Variants in SLC24A2 observed in about 807,000 individuals in gnomAD.
SLC24A2 encodes the protein solute carrier family 24 member 2.
In SLC24A2, 36 loss-of-function variants were observed where a neutral mutation model predicts 62.0. The ratio of observed to expected loss-of-function variants is 0.58; its 90% confidence interval spans 0.44 to 0.77. The LOEUF (loss-of-function observed/expected upper bound fraction) is 0.77. SLC24A2 is among the 30% of genes least tolerant of loss of function. The pLI is 0.00. For missense variants in SLC24A2, 846 were observed against 817.9 expected (o/e 1.03, Z -0.42); for synonymous variants, 358 against 294.0 (o/e 1.22, Z -2.23).
At chr9:19,901,347 TA>T in the SLC24A2 span, among the ~76,000 whole-genome samples, 6 of 152,226 alleles carry the variant, frequency 3.9e-5, no homozygotes, top group African/African-American at 1.4e-4. Context: ...TACTGTTAAC[TA>T]AAAAAATCAT....
the SLC24A2 span, among the ~76,000 whole-genome samples, chr9:19,795,624 T>C: frequency 2.6e-5 from 4 of 152,118 alleles, no homozygotes; most frequent in Non-Finnish European, 5.9e-5. Context: ...GAGGTCACTT[T>C]CCTGTCTCTT....
At chr9:19,810,771 T>C in the SLC24A2 span, among the ~76,000 whole-genome samples, 1 of 152,144 alleles carries the variant, frequency 6.6e-6, no homozygotes. Context: ...TTAAAAACTA[T>C]GTAATAACCA....
At chr9:19,642,517 T>G (rs1818526846) in intron 2 of SLC24A2, among the ~76,000 whole-genome samples, 1 of 152,092 alleles carries the variant, frequency 6.6e-6, no homozygotes, top group South Asian at 2.1e-4. Flanking sequence ...GCGTATACTG[T>G]ACACTCCTCT....
the SLC24A2 span, among the ~76,000 whole-genome samples, chr9:19,906,075 A>C: frequency 6.6e-6 from 1 of 152,240 alleles, no homozygotes; most frequent in African/African-American, 2.4e-5. Flanking sequence ...ACATACTTGG[A>C]AGTAAAGCAC....
the SLC24A2 span, among the ~76,000 whole-genome samples, chr9:20,063,617 A>G: frequency 6.6e-6 from 1 of 152,160 alleles, no homozygotes; most frequent in Non-Finnish European, 1.5e-5. Context: ...CATTGTGCAC[A>G]TGTACCCTAA....
At chr9:19,534,548 C>G (rs1833865178) in intron 8 of SLC24A2, among the ~76,000 whole-genome samples, 1 of 151,948 alleles carries the variant, frequency 6.6e-6, no homozygotes, top group Non-Finnish European at 1.5e-5. Flanking sequence ...TGATGATCCC[C>G]TCCCCGGGTC....
intron 5 of SLC24A2, among the ~76,000 whole-genome samples, chr9:19,581,431 CA>C (rs1276598457): frequency 1.3e-5 from 2 of 151,994 alleles, no homozygotes; most frequent in African/African-American, 4.8e-5. Flanking sequence ...CATGAAGCAC[CA>C]GGTTCTTAAC....
the SLC24A2 span, among the ~76,000 whole-genome samples, chr9:20,205,444 C>G: frequency 3.6e-4 from 54 of 151,766 alleles, no homozygotes; most frequent in African/African-American, 1.3e-3. Flanking sequence ...GTCAGGAGAT[C>G]GAGACCATCC....
chr9:19,820,143 A>G, the SLC24A2 span, among the ~76,000 whole-genome samples: 1 of 148,448 alleles, frequency 6.7e-6, no homozygotes, highest in African/African-American at 2.5e-5. Context: ...AGTGACTTGG[A>G]TGAGATTGGA....
At chr9:20,236,446 A>G in the SLC24A2 span, among the ~76,000 whole-genome samples, 1 of 152,242 alleles carries the variant, frequency 6.6e-6, no homozygotes, top group Admixed American at 6.5e-5. Context: ...GGCCATCATG[A>G]AAGTAAGCAT....
At chr9:19,652,515 A>G (rs1818831004) in intron 2 of SLC24A2, among the ~76,000 whole-genome samples, 1 of 152,110 alleles carries the variant, frequency 6.6e-6, no homozygotes, top group Non-Finnish European at 1.5e-5. Context: ...CACTTTGAAG[A>G]TGGGGGAATG....
At chr9:20,145,949 G>GT in the SLC24A2 span, among the ~76,000 whole-genome samples, 1 of 5,724 alleles carries the variant, frequency 1.7e-4, no homozygotes, top group Non-Finnish European at 7.8e-4. Flanking sequence ...ATCTTGTCAA[G>GT]TCAGTACATA....
At chr9:19,834,464 A>G in the SLC24A2 span, among the ~76,000 whole-genome samples, 5 of 152,234 alleles carry the variant, frequency 3.3e-5, no homozygotes, top group Non-Finnish European at 7.3e-5. Context: ...CAACTGGAAG[A>G]CAGGGTATCA....
the SLC24A2 span, among the ~76,000 whole-genome samples, chr9:20,238,236 T>C: frequency 6.6e-6 from 1 of 152,190 alleles, no homozygotes; most frequent in Non-Finnish European, 1.5e-5. Context: ...TCTAAGAGGC[T>C]GAAGTATTTT....
chr9:20,198,356 A>G, the SLC24A2 span, among the ~76,000 whole-genome samples: 1 of 152,160 alleles, frequency 6.6e-6, no homozygotes, highest in Non-Finnish European at 1.5e-5. Flanking sequence ...GGTCATTTGC[A>G]TTGCATGCAG....
the SLC24A2 span, among the ~76,000 whole-genome samples, chr9:20,195,565 T>C: frequency 5.3e-5 from 8 of 152,184 alleles, no homozygotes; most frequent in Non-Finnish European, 8.8e-5. Context: ...GTTATTCATA[T>C]ATATACTCAA....
intron 9 of SLC24A2, among the ~76,000 whole-genome samples, chr9:19,522,995 A>T (rs1413959701): frequency 6.6e-6 from 1 of 152,130 alleles, no homozygotes; most frequent in African/African-American, 2.4e-5. Context: ...TTAATAATTA[A>T]ATTCTTGGAG....
At chr9:20,102,350 G>A in the SLC24A2 span, among the ~76,000 whole-genome samples, 1 of 152,072 alleles carries the variant, frequency 6.6e-6, no homozygotes, top group African/African-American at 2.4e-5. Context: ...CAGGGACATG[G>A]ATGAAGCTGG....
chr9:19,831,665 A>C, the SLC24A2 span, among the ~76,000 whole-genome samples: 1 of 152,214 alleles, frequency 6.6e-6, no homozygotes, highest in Non-Finnish European at 1.5e-5. Flanking sequence ...ATTGTCTTTA[A>C]AATTATTCAG....
Sources: gnomAD v4.1 joint callset for allele counts (sites outside exome capture counted in the v4.1 genomes callset) on GRCh38, gnomAD v4.1.1 for gene constraint, MANE v1.5 for transcripts, NCBI Gene and HGNC (gene_info 2026-07-23, HGNC 2026-07-21) for gene names.